CCDC171: variants seen among roughly 807,000 people sequenced by gnomAD.
The protein encoded by CCDC171 is coiled-coil domain containing 171.
CCDC171 carries 177 observed loss-of-function variants against 168.2 expected under a neutral mutation model. The observed-to-expected ratio is 1.05, with a 90% CI of 0.93 to 1.19. The LOEUF (loss-of-function observed/expected upper bound fraction) is 1.19. Among genes scored for constraint, CCDC171 ranks in the 50% most tolerant of loss-of-function variants. CCDC171 has a pLI of 0.00. For synonymous variants in CCDC171, 687 were observed against 540.8 expected (o/e 1.27, Z -3.75); for missense variants, 1,991 against 1,539.0 (o/e 1.29, Z -4.91).
At chr9:15,965,111 G>A (rs549405400) in intron 25 of CCDC171, among the ~76,000 whole-genome samples, 1 of 152,178 alleles carries the variant, frequency 6.6e-6, no homozygotes, top group South Asian at 2.1e-4. Flanking sequence ...TTTTGTCTCT[G>A]AATATAACAA....
intron 24 of CCDC171, among the ~76,000 whole-genome samples, chr9:15,911,073 G>A (rs897025845): frequency 6.6e-6 from 1 of 152,270 alleles, no homozygotes; most frequent in East Asian, 1.9e-4. Flanking sequence ...TAATGGGATG[G>A]CTGGGTCAAA....
rs200175684 is a variant in CCDC171 at position 15,744,339 on chromosome 9, T to C, written c.2116T>C (p.Leu706=). Residue 706 remains leucine, a synonymous_variant, in exon 17 of 26, where the codon TTG becomes CTG. Transcript: ENST00000380701. The part of the protein sequence containing the change: ...LNHIEKSHEQ[L]VLENSHFKKL... The stretch of plus-strand genomic sequence containing the variant: ...CCATATTGAGAAGTCACATGAACAG[T>C]TGGTTCTTGAAAATTCGCACTTCAA... The C allele has an allele frequency of 5.6e-6, 9 of 1,613,656 alleles. No homozygotes were observed. Among genetic ancestry groups the C allele is most frequent in the Admixed American group, 1.7e-5 (1 of 59,918 alleles).
chr9:15,832,944 T>C (rs767825898), intron 21 of CCDC171, among the ~76,000 whole-genome samples: 5 of 151,582 alleles, frequency 3.3e-5, no homozygotes, highest in African/African-American at 7.3e-5. Flanking sequence ...CATCAAGATA[T>C]TAGTAGGTGA....
chr9:15,695,841 G>C lies in CCDC171; in HGVS notation c.1318+504G>C, dbSNP rs181569965. Among the ~76,000 whole-genome samples the C allele has an allele frequency of 1.5e-4, 23 of 152,212 alleles. No homozygotes were observed. In the East Asian group the frequency reaches 4.1e-3, roughly 27 times the overall value. The stretch of plus-strand genomic sequence containing the variant: ...ATACTGTCCAGATAAGAATGCTTAG[G>C]TAGAATATTTTAGTTGTAGTTATTA... On this transcript the variant is annotated intron_variant, in intron 11 of 25. Transcript: ENST00000380701.
intron 6 of CCDC171, 93 bp downstream of exon 6, chr9:15,594,265 G>A (rs1005355791): frequency 5.6e-6 from 4 of 720,146 alleles, no homozygotes; most frequent in African/African-American, 1.9e-5. Flanking sequence ...CGCTCAAAGG[G>A]AAAATAATTT....
At position 15,724,994 on chromosome 9, in the gene CCDC171, A is replaced by C. The variant is rs372242373; in HGVS notation, c.1692+18A>C. ...ATGCAGAGGTATTACCTGAGACTCA[A>C]TGACTGTCAGGAAGGGCCTTTCACT... On this transcript the variant is annotated intron_variant, in intron 14 of 25. Transcript: ENST00000380701. 40 of 1,587,548 alleles carry C rather than the reference A, an allele frequency of 2.5e-5. No homozygotes were observed. The highest frequency in any genetic ancestry group is 3.3e-4 in the Middle Eastern group (2 of 6,004).
intron 3 of CCDC171, among the ~76,000 whole-genome samples, chr9:16,014,317 G>A (rs1165449020): frequency 6.6e-6 from 1 of 152,166 alleles, no homozygotes; most frequent in African/African-American, 2.4e-5. Flanking sequence ...CACATCTTCA[G>A]GTTCCGTTTC....
chr9:15,785,725 G>A (rs945171460), intron 21 of CCDC171, among the ~76,000 whole-genome samples: 6 of 152,086 alleles, frequency 3.9e-5, no homozygotes, highest in Non-Finnish European at 1.5e-5. Context: ...TTCTTAGTAA[G>A]TAATATATCT....
chr9:15,799,165 T>TATATATATATATATATAC (rs1323969229), intron 21 of CCDC171, among the ~76,000 whole-genome samples: 12 of 141,168 alleles, frequency 8.5e-5, no homozygotes, highest in African/African-American at 2.9e-4. Context: ...TATATATATA[T>TATATATATATATATATAC]ACCATTTTGA....
At chr9:15,583,635 C>T (rs1298919611) in intron 4 of CCDC171, among the ~76,000 whole-genome samples, 2 of 151,792 alleles carry the variant, frequency 1.3e-5, no homozygotes, top group South Asian at 2.1e-4. Context: ...GTGGAAAGGA[C>T]GGGATGGGGG....
intron 25 of CCDC171, among the ~76,000 whole-genome samples, chr9:15,947,292 A>G (rs1828520883): frequency 1.3e-5 from 2 of 152,024 alleles, no homozygotes; most frequent in Non-Finnish European, 2.9e-5. Flanking sequence ...AGCTTATGTT[A>G]TGACATCACT....
intron 6 of CCDC171, among the ~76,000 whole-genome samples, chr9:16,032,984 C>T (rs1833391098): frequency 1.3e-5 from 2 of 152,166 alleles, no homozygotes; most frequent in Admixed American, 6.5e-5. Flanking sequence ...AGGGCAATTC[C>T]AGCTGGTTTA....
intron 25 of CCDC171, among the ~76,000 whole-genome samples, chr9:15,943,720 G>A (rs1404606493): frequency 6.6e-6 from 1 of 151,882 alleles, no homozygotes; most frequent in Non-Finnish European, 1.5e-5. Context: ...CATCTTTTAT[G>A]CAGGCAAGGT....
intron 3 of CCDC171, among the ~76,000 whole-genome samples, chr9:15,979,836 T>A (rs1204127400): frequency 6.6e-6 from 1 of 152,048 alleles, no homozygotes; most frequent in Non-Finnish European, 1.5e-5. Flanking sequence ...TCTATTTTTT[T>A]AAAGAGTTTG....
At chr9:16,029,189 C>A (rs909420191) in intron 6 of CCDC171, among the ~76,000 whole-genome samples, 2 of 152,166 alleles carry the variant, frequency 1.3e-5, no homozygotes, top group East Asian at 3.9e-4. Context: ...TTAGAAGGGG[C>A]AACATCTTCT....
At chr9:15,692,982 C>A (rs575460794) in intron 10 of CCDC171, among the ~76,000 whole-genome samples, 1 of 151,988 alleles carries the variant, frequency 6.6e-6, no homozygotes, top group East Asian at 2.0e-4. Flanking sequence ...ACTAGAAATA[C>A]AAAAATTAGT....
intron 11 of CCDC171, among the ~76,000 whole-genome samples, chr9:15,708,346 A>G (rs1026571012): frequency 2.0e-5 from 3 of 152,224 alleles, no homozygotes; most frequent in African/African-American, 4.8e-5. Flanking sequence ...GGGAGAGTAT[A>G]TATAATACGT....
At chr9:15,621,633 A>G (rs2044513593) in intron 6 of CCDC171, among the ~76,000 whole-genome samples, 2 of 152,182 alleles carry the variant, frequency 1.3e-5, no homozygotes, top group African/African-American at 4.8e-5. Context: ...AAAATAACAG[A>G]TGCTGGCGAG....
intron 6 of CCDC171, among the ~76,000 whole-genome samples, chr9:15,605,088 G>T (rs936870256): frequency 2.6e-5 from 4 of 151,846 alleles, no homozygotes; most frequent in African/African-American, 9.7e-5. Context: ...TAGAGATGGG[G>T]GTCTTCCTTT....
Sources: gnomAD v4.1 joint callset for allele counts (sites outside exome capture counted in the v4.1 genomes callset) on GRCh38, gnomAD v4.1.1 for gene constraint, MANE v1.5 for transcripts, NCBI Gene and HGNC (gene_info 2026-07-23, HGNC 2026-07-21) for gene names.